GPM6A: variants seen among roughly 807,000 people sequenced by gnomAD.
GPM6A encodes neuronal membrane glycoprotein M6-a.
GPM6A carries 7 observed loss-of-function variants against 32.1 expected under a neutral mutation model. The observed-to-expected ratio is 0.22, with a 90% CI of 0.12 to 0.41. The LOEUF (loss-of-function observed/expected upper bound fraction) is 0.41. Among genes scored for constraint, GPM6A ranks in the 10% least tolerant of loss-of-function variants. The pLI is 1.00. For missense variants in GPM6A, 235 were observed against 347.2 expected (o/e 0.68, Z 2.57); for synonymous variants, 130 against 123.4 (o/e 1.05, Z -0.35).
intron 1 of GPM6A, among the ~76,000 whole-genome samples, chr4:175,938,447 A>G (rs1421009841): frequency 6.6e-6 from 1 of 152,184 alleles, no homozygotes; most frequent in Non-Finnish European, 1.5e-5. Flanking sequence ...TCGCCATTCT[A>G]ACTGGCTTCA....
chr4:175,817,228 A>G (rs1735134759), upstream of GPM6A, among the ~76,000 whole-genome samples: 1 of 152,282 alleles, frequency 6.6e-6, no homozygotes, highest in Non-Finnish European at 1.5e-5. Context: ...TAAAATGACC[A>G]TAACATTCTT....
At chr4:175,685,465 A>C (rs1743927517) in intron 2 of GPM6A, among the ~76,000 whole-genome samples, 1 of 152,182 alleles carries the variant, frequency 6.6e-6, no homozygotes, top group African/African-American at 2.4e-5. Flanking sequence ...AATCAAGTTT[A>C]CCTTTACCTT....
intron 1 of GPM6A, among the ~76,000 whole-genome samples, chr4:175,866,229 T>C (rs533906972): frequency 6.6e-6 from 1 of 152,144 alleles, no homozygotes; most frequent in South Asian, 2.1e-4. Context: ...TATCAACATT[T>C]CCCACCAGAA....
intron 1 of GPM6A, chr4:175,962,122 C>T (rs1181992779): frequency 2.1e-5 from 16 of 771,286 alleles, no homozygotes; most frequent in Admixed American, 1.6e-4. Context: ...GTGCACCATC[C>T]GGACCCAGTG....
intron 2 of GPM6A, among the ~76,000 whole-genome samples, chr4:175,676,647 GA>G (rs779387039): frequency 9.5e-4 from 144 of 152,272 alleles, no homozygotes; most frequent in Non-Finnish European, 1.6e-3. Context: ...GTGGGAGGCT[GA>G]AGCTGCAGTA....
intron 1 of GPM6A, among the ~76,000 whole-genome samples, chr4:175,840,677 A>AAAAT (rs556015299): frequency 1.3e-5 from 2 of 152,152 alleles, no homozygotes; most frequent in South Asian, 4.1e-4. Flanking sequence ...CTCCATCTCA[A>AAAAT]AAATAAATAA....
chr4:175,731,182 T>C (rs3113480), intron 1 of GPM6A, among the ~76,000 whole-genome samples: 13,051 of 152,070 alleles, frequency 0.086, 858 homozygotes, highest in East Asian at 0.29. Context: ...AACTCTCAGC[T>C]TGGATTTCAA....
chr4:175,834,778 C>G (rs939877463), intron 1 of GPM6A, among the ~76,000 whole-genome samples: 3 of 152,192 alleles, frequency 2.0e-5, no homozygotes, highest in Admixed American at 6.5e-5. Context: ...TACATCTCTT[C>G]TTAATTTTAT....
intron 1 of GPM6A, chr4:175,786,936 A>T (rs1353309508): frequency 6.1e-6 from 1 of 163,212 alleles, no homozygotes; most frequent in Non-Finnish European, 1.3e-5. Context: ...AGAAAGAAAA[A>T]TATCTGTGGT....
At chr4:175,955,104 T>C (rs886821619) in intron 1 of GPM6A, among the ~76,000 whole-genome samples, 2 of 152,232 alleles carry the variant, frequency 1.3e-5, no homozygotes, top group African/African-American at 4.8e-5. Context: ...GAAAAGTCCC[T>C]TGGCCTTCGC....
intron 1 of GPM6A, among the ~76,000 whole-genome samples, chr4:175,719,022 A>C (rs1300156503): frequency 6.6e-6 from 1 of 152,192 alleles, no homozygotes; most frequent in Non-Finnish European, 1.5e-5. Flanking sequence ...ATAGAAACTC[A>C]CTAAGACATT....
intron 1 of GPM6A, among the ~76,000 whole-genome samples, chr4:175,818,654 A>T (rs1382036988): frequency 6.6e-6 from 1 of 152,250 alleles, no homozygotes; most frequent in East Asian, 1.9e-4. Context: ...ATGAATGAAC[A>T]AACTCAGTGG....
intron 1 of GPM6A, among the ~76,000 whole-genome samples, chr4:175,810,601 T>G (rs1734880372): frequency 6.6e-6 from 1 of 152,222 alleles, no homozygotes; most frequent in Non-Finnish European, 1.5e-5. Flanking sequence ...CTCAGACACA[T>G]TCAACCTGTT....
intron 1 of GPM6A, among the ~76,000 whole-genome samples, chr4:175,777,346 ATTTATT>A (rs1733436891): frequency 6.6e-6 from 1 of 152,124 alleles, no homozygotes; most frequent in African/African-American, 2.4e-5. Flanking sequence ...ATTATTATCT[ATTTATT>A]ATTATTATAA....
chr4:175,884,265 G>A (rs192512476), intron 1 of GPM6A, among the ~76,000 whole-genome samples: 29 of 152,252 alleles, frequency 1.9e-4, no homozygotes, highest in Non-Finnish European at 2.4e-4. Flanking sequence ...ACGCAAGATC[G>A]TTAGATTCAT....
chr4:175,881,361 T>C (rs1398198977), intron 1 of GPM6A, among the ~76,000 whole-genome samples: 1 of 152,120 alleles, frequency 6.6e-6, no homozygotes, highest in Non-Finnish European at 1.5e-5. Flanking sequence ...CTAGAGAGGA[T>C]GTGGAGAAAT....
At chr4:175,822,659 T>TG in intron 1 of GPM6A, among the ~76,000 whole-genome samples, 1 of 43,056 alleles carries the variant, frequency 2.3e-5, no homozygotes, top group East Asian at 9.6e-4. Context: ...TGCTTTTTTT[T>TG]TTGTTTTTTG....
intron 1 of GPM6A, among the ~76,000 whole-genome samples, chr4:175,711,696 G>A (rs1193330763): frequency 1.5e-5 from 2 of 132,084 alleles, no homozygotes; most frequent in Non-Finnish European, 3.2e-5. Flanking sequence ...AGTTGGGCCT[G>A]GAGAAGTTCT....
intron 1 of GPM6A, among the ~76,000 whole-genome samples, chr4:175,967,680 G>C (rs887168556): frequency 6.6e-6 from 1 of 152,114 alleles, no homozygotes; most frequent in African/African-American, 2.4e-5. Context: ...ATTACCATTA[G>C]AGAAATGAAA....
Sources: gnomAD v4.1 joint callset for allele counts (sites outside exome capture counted in the v4.1 genomes callset) on GRCh38, gnomAD v4.1.1 for gene constraint, MANE v1.5 for transcripts, NCBI Gene and HGNC (gene_info 2026-07-23, HGNC 2026-07-21) for gene names.